Variants in WASHC2C observed in about 807,000 individuals in gnomAD.
WASHC2C encodes WASH complex subunit 2C, also known as Vaccinia Penetration Factor.
In WASHC2C, 73 loss-of-function variants were observed where a neutral mutation model predicts 142.2. The ratio of observed to expected loss-of-function variants is 0.51; its 90% CI spans 0.43 to 0.62. The LOEUF is 0.62. WASHC2C is among the 20% of genes least tolerant of loss of function. The pLI, the probability that WASHC2C is intolerant of heterozygous loss-of-function variation, is 0.00. For missense variants in WASHC2C, 969 were observed against 1,531.7 expected (o/e 0.63, Z 6.13); for synonymous variants, 337 against 565.5 (o/e 0.60, Z 5.73).
At position 45,763,459 on chromosome 10, in the gene WASHC2C, G is replaced by A. The variant is rs1232761888; in HGVS notation, c.1707G>A (p.Ser569=). The change falls in exon 18 of 31, where the codon TCG becomes TCA. Residue 569 remains serine (S), a synonymous_variant. Transcript: ENST00000623400. ...ASLLPGKLPT[S]VSLFDDEDEE... ...TGCTGCCTGGCAAGCTCCCCACGTC[G>A]GTTTCCCTGTTTGATGATGAAGATG... is the stretch of plus-strand genomic sequence containing the variant. 2.2e-5 allele frequency: 19 copies of A among 879,818 alleles called. No individual in the cohort carries two copies. The highest frequency in any genetic ancestry group is 8.7e-5 in the African/African-American group (5 of 57,774). The allele number at this position is 879,818 out of a possible 1,614,324, so 54.5% of individuals were successfully genotyped here.
chr10:45,754,930 T>A lies in WASHC2C; in HGVS notation c.1241-6T>A. The stretch of plus-strand genomic sequence containing the variant: ...AGCTGTGGCTGTCTTGTCCCTTCAC[T>A]CACAGGAGACACGGATGTGTTTGGT... On this transcript the variant is annotated splice_region_variant and splice_polypyrimidine_tract_variant and intron_variant, in intron 14 of 30. Coordinates refer to ENST00000623400, the MANE Select transcript of WASHC2C (RefSeq NM_001330074.2). The A allele has an allele frequency of 6.2e-7, 1 of 1,611,824 alleles. No individual in the cohort carries two copies. Among genetic ancestry groups the A allele is most frequent in the Non-Finnish European group, 8.5e-7 (1 of 1,179,834 alleles).
intron 17 of WASHC2C, among the ~76,000 whole-genome samples, chr10:45,761,649 T>C (rs1352751354): frequency 6.6e-6 from 1 of 152,192 alleles, no homozygotes; most frequent in African/African-American, 2.4e-5. Context: ...ATCTGAAGTG[T>C]GAGGCTGAAG....
intron 15 of WASHC2C, among the ~76,000 whole-genome samples, chr10:45,755,580 C>G (rs1292027747): frequency 9.8e-5 from 15 of 152,294 alleles, no homozygotes; most frequent in Non-Finnish European, 2.2e-4. Flanking sequence ...TTGGCATTCT[C>G]CTCTCTTTTC....
intron 17 of WASHC2C, among the ~76,000 whole-genome samples, chr10:45,762,680 C>T (rs568538463): frequency 4.1e-4 from 62 of 152,138 alleles, no homozygotes; most frequent in African/African-American, 1.3e-3. Context: ...CCGAGGCGGG[C>T]GGATCACAAG....
chr10:45,765,340 G>A (rs1401045901), intron 18 of WASHC2C, among the ~76,000 whole-genome samples: 18 of 151,254 alleles, frequency 1.2e-4, no homozygotes, highest in Non-Finnish European at 1.5e-5. Flanking sequence ...GCCCATCGCA[G>A]GCTGTAACCA....
In WASHC2C at chr10:45,759,300, C is replaced by CCA. The variant is rs781898727; in HGVS notation, c.1549-13_1549-12dup. The CCA allele has an allele frequency of 1.7e-6, 2 of 1,172,896 alleles. No individual in the cohort carries two copies. The highest frequency in any genetic ancestry group is 2.3e-6 in the Non-Finnish European group (2 of 884,544). The allele number at this position is 1,172,896 out of a possible 1,614,324, so 72.7% of individuals were successfully genotyped here. On this transcript the variant is annotated splice_polypyrimidine_tract_variant and intron_variant, in intron 16 of 30. Transcript: ENST00000623400. The stretch of plus-strand genomic sequence containing the variant: ...TCTTTTTTTCTTCCCCACCCCCCCC[C>CCA]CACCCCCGACAAAGGTTACCTTATC...
At chr10:45,749,851 A>ATATTTATATT (rs1554873289) in intron 8 of WASHC2C, among the ~76,000 whole-genome samples, 1 of 108,164 alleles carries the variant, frequency 9.2e-6, no homozygotes, top group Non-Finnish European at 1.8e-5. Context: ...ATATATATAT[A>ATATTTATATT]TATATTTATA....
chr10:45,787,481 G>A (rs1452546132), intron 28 of WASHC2C, among the ~76,000 whole-genome samples: 2 of 145,430 alleles, frequency 1.4e-5, no homozygotes, highest in East Asian at 2.0e-4. Context: ...CCACAGTAAC[G>A]TCTCACCACT....
rs1564746825 is a variant in WASHC2C at position 45,754,840 on chromosome 10, A to C, written c.1241-96A>C. The C allele has an allele frequency of 4.0e-6, 6 of 1,485,220 alleles. No homozygotes were observed. In the Admixed American group the frequency reaches 6.0e-5, roughly 15 times the overall value. 92.0% of individuals were successfully genotyped at this position (1,485,220 alleles called of 1,614,324 possible). On this transcript the variant is annotated intron_variant, in intron 14 of 30. Transcript: ENST00000623400. ...TGTTATGCATTTTGTGGATTAACTG[A>C]AATGGAAAGTTTTTGGTGGGTGATA...
At position 45,765,937 on chromosome 10, in the gene WASHC2C, A is replaced by G. The variant is rs2055747207; in HGVS notation, c.1869+127A>G. 6.3e-6 allele frequency: 9 copies of G among 1,418,342 alleles called. No individual in the cohort carries two copies. In the South Asian group the frequency reaches 1.2e-4, roughly 19 times the overall value. The allele number at this position is 1,418,342 out of a possible 1,614,324, so 87.9% of individuals were successfully genotyped here. On this transcript the variant is annotated intron_variant, in intron 19 of 30. Transcript: ENST00000623400. ...TCAGTCACCAAAGGCGATGTTCACA[A>G]GATTGTCTTTTCTGAAGGAAGACAT... is the stretch of plus-strand genomic sequence containing the variant.
At chr10:45,781,567 G>A (rs1279454020) in intron 23 of WASHC2C, among the ~76,000 whole-genome samples, 2 of 152,224 alleles carry the variant, frequency 1.3e-5, no homozygotes, top group African/African-American at 4.8e-5. Flanking sequence ...GTTGCTTAAG[G>A]TGCTAAGATA....
intron 18 of WASHC2C, among the ~76,000 whole-genome samples, chr10:45,764,460 T>C (rs1440319613): frequency 6.6e-6 from 1 of 151,472 alleles, no homozygotes; most frequent in African/African-American, 2.4e-5. Context: ...TGGATCAACA[T>C]ATACCCAATG....
intron 8 of WASHC2C, among the ~76,000 whole-genome samples, chr10:45,749,851 A>ATATATATATTTT (rs797033033): frequency 9.2e-6 from 1 of 108,168 alleles, no homozygotes; most frequent in Admixed American, 1.1e-4. Context: ...ATATATATAT[A>ATATATATATTTT]TATATTTATA....
chr10:45,727,495 A>G lies in WASHC2C; in HGVS notation c.82A>G (p.Ile28Val). The change falls in exon 2 of 31, where the codon ATC (isoleucine) becomes GTC (valine). Residue 28 changes from isoleucine to valine, a missense_variant. Coordinates refer to ENST00000623400, the MANE Select transcript of WASHC2C (RefSeq NM_001330074.2). ...VWERPWSVEE[I>V]RRSSQSWSLA... ...GGAGCGGCCGTGGTCGGTGGAGGAGATCCGCAGGAGCAGCCAGAGCTGGTC... is the reference window on the plus strand; with the variant it reads ...GGAGCGGCCGTGGTCGGTGGAGGAGGTCCGCAGGAGCAGCCAGAGCTGGTC... 1 of 1,605,592 alleles carries G rather than the reference A, an allele frequency of 6.2e-7. No homozygotes were observed. The highest frequency in any genetic ancestry group is 8.5e-7 in the Non-Finnish European group (1 of 1,177,512).
At chr10:45,744,355 TACAA>T in intron 6 of WASHC2C, among the ~76,000 whole-genome samples, 1 of 147,744 alleles carries the variant, frequency 6.8e-6, no homozygotes, top group Non-Finnish European at 1.5e-5. Flanking sequence ...ACAGTAGAAT[TACAA>T]AGCCAGGATA....
chr10:45,789,148 A>T lies in WASHC2C; in HGVS notation c.3365A>T (p.His1122Leu). ...DTSPFAKSLG[H>L]SRGEADLFDS... ...AGCCCCTTTGCAAAGTCTCTGGGTCATTCCAGAGGGGAGGCTGACCTTTTT... is the reference window on the plus strand; with the variant it reads ...AGCCCCTTTGCAAAGTCTCTGGGTCTTTCCAGAGGGGAGGCTGACCTTTTT... Residue 1122 changes from histidine (H) to leucine (L), a missense_variant, in exon 29 of 31, where the codon CAT becomes CTT. By Grantham distance (99) the His-to-Leu change is moderately conservative (BLOSUM62 -3). Coordinates refer to ENST00000623400, the MANE Select transcript of WASHC2C (RefSeq NM_001330074.2). 1 of 1,612,088 alleles carries T rather than the reference A, an allele frequency of 6.2e-7. No homozygotes were observed. The highest frequency in any genetic ancestry group is 8.5e-7 in the Non-Finnish European group (1 of 1,179,876).
chr10:45,731,894 A>G (rs1391552836), intron 3 of WASHC2C, among the ~76,000 whole-genome samples: 4 of 146,160 alleles, frequency 2.7e-5, no homozygotes, highest in Non-Finnish European at 5.9e-5. Flanking sequence ...TCCCGGGTTC[A>G]TGCCATTCTC....
chr10:45,756,977 G>A (rs782075835), intron 15 of WASHC2C, 35 bp from the exon 16 acceptor site: 51 of 1,546,904 alleles, frequency 3.3e-5, no homozygotes, highest in African/African-American at 2.6e-4. Flanking sequence ...GATGTTTGAC[G>A]TTAGTGTCAT....
intron 29 of WASHC2C, 137 bp downstream of exon 29, chr10:45,789,628 C>G: frequency 1.4e-6 from 2 of 1,463,480 alleles, no homozygotes; most frequent in Non-Finnish European, 1.9e-6. Context: ...TAATTAGGCT[C>G]TTTTATTAAT....
Sources: allele counts gnomAD v4.1 joint callset (sites outside exome capture counted in the v4.1 genomes callset), GRCh38; gene constraint gnomAD v4.1.1; transcripts MANE v1.5; gene names NCBI Gene and HGNC (gene_info 2026-07-23, HGNC 2026-07-21).